Variants in RBFOX1 observed in about 807,000 individuals in gnomAD.
RBFOX1 encodes RNA binding fox-1 homolog 1.
RBFOX1 carries 8 observed loss-of-function variants against 57.7 expected under a neutral mutation model. The ratio of observed to expected loss-of-function variants is 0.14; its 90% CI spans 0.08 to 0.25. RBFOX1 has a LOEUF of 0.25. Ranked by LOEUF, RBFOX1 falls within the 10% of genes least tolerant of loss-of-function variation. The pLI, the probability that RBFOX1 is intolerant of heterozygous loss-of-function variation, is 1.00. For missense variants in RBFOX1, 611 were observed against 548.5 expected, an observed-to-expected ratio of 1.11 and a Z score of -1.14; for synonymous variants, 326 against 222.4, an observed-to-expected ratio of 1.47 and a Z score of -4.15.
intron 3 of RBFOX1, among the ~76,000 whole-genome samples, chr16:6,859,171 A>ATG (rs2058532490): frequency 1.3e-5 from 1 of 78,648 alleles, no homozygotes; most frequent in Admixed American, 1.2e-4. Context: ...ATACGTATAT[A>ATG]TATGTATATA....
At chr16:7,584,673 G>A (rs975711723) in intron 6 of RBFOX1, among the ~76,000 whole-genome samples, 18 of 152,184 alleles carry the variant, frequency 1.2e-4, no homozygotes, top group African/African-American at 4.3e-4. Context: ...TTGATGTTGA[G>A]CAAACAAATG....
At chr16:6,976,883 A>T (rs548251874) in intron 3 of RBFOX1, among the ~76,000 whole-genome samples, 2 of 136,192 alleles carry the variant, frequency 1.5e-5, no homozygotes, top group South Asian at 4.6e-4. Context: ...TCATATCCAT[A>T]TCACATATAT....
In RBFOX1 at chr16:7,450,276, C is replaced by G. The variant is rs374046395; in HGVS notation, c.28-67871C>G. On this transcript the variant is annotated intron_variant, in intron 4 of 15. Transcript: ENST00000550418. ...GGGCATGGTGACATACGCCTGTAAT[C>G]CCAGCTACTTGGGAGGCTGAGGCAG... is the stretch of plus-strand genomic sequence containing the variant. 4.6e-5 allele frequency among the ~76,000 whole-genome samples: 7 copies of G among 151,670 alleles called. No homozygotes were observed. The East Asian group carries it at 9.8e-4, about 21-fold the overall frequency.
At chr16:6,361,200 A>C (rs546563772) in intron 2 of RBFOX1, among the ~76,000 whole-genome samples, 1 of 152,068 alleles carries the variant, frequency 6.6e-6, no homozygotes, top group African/African-American at 2.4e-5. Flanking sequence ...AAGGAATGGG[A>C]CCCAGTGTCG....
At chr16:6,755,915 A>G (rs917903895) in intron 3 of RBFOX1, among the ~76,000 whole-genome samples, 4 of 152,142 alleles carry the variant, frequency 2.6e-5, no homozygotes, top group Non-Finnish European at 5.9e-5. Context: ...CACTTTTTCC[A>G]TGTAGAAACA....
intron 4 of RBFOX1, among the ~76,000 whole-genome samples, chr16:7,321,916 G>T (rs1400485690): frequency 6.6e-6 from 1 of 152,136 alleles, no homozygotes; most frequent in Non-Finnish European, 1.5e-5. Context: ...GCAGCAGTCA[G>T]CCCCTTGGCT....
At chr16:6,736,672 C>G (rs997767479) in intron 3 of RBFOX1, among the ~76,000 whole-genome samples, 1 of 152,162 alleles carries the variant, frequency 6.6e-6, no homozygotes, top group African/African-American at 2.4e-5. Context: ...TGGGTAGATA[C>G]CCAGTAGTGG....
chr16:5,429,395 C>G (rs117549454), intron 1 of RBFOX1, among the ~76,000 whole-genome samples: 1 of 152,164 alleles, frequency 6.6e-6, no homozygotes, highest in Non-Finnish European at 1.5e-5. Flanking sequence ...TTAGGCGGGA[C>G]TCGGGGGAGA....
At chr16:6,667,283 AG>A (rs1375211961) in intron 3 of RBFOX1, among the ~76,000 whole-genome samples, 4 of 152,152 alleles carry the variant, frequency 2.6e-5, no homozygotes, top group African/African-American at 9.7e-5. Flanking sequence ...TGTAATGAAA[AG>A]CACTGAGGTA....
chr16:6,417,024 T>G (rs891544257), intron 2 of RBFOX1, among the ~76,000 whole-genome samples: 4 of 152,176 alleles, frequency 2.6e-5, no homozygotes, highest in African/African-American at 9.7e-5. Flanking sequence ...TTCTTTTTAT[T>G]TTTTTGAGAC....
At position 5,989,416 on chromosome 16, in the gene RBFOX1, G is replaced by T. The variant is rs565647291; in HGVS notation, c.351+122081G>T. The stretch of plus-strand genomic sequence containing the variant: ...TATAAAATGAGAAAATATGCAGGAA[G>T]AACTTAGCATGGAAAGATGCTCAAC... On this transcript the variant is annotated intron_variant, in intron 4 of 19. Coordinates refer to the RBFOX1 transcript ENST00000641259. Among the ~76,000 whole-genome samples the T allele has an allele frequency of 2.6e-5, 4 of 152,184 alleles. No homozygotes were observed. In the East Asian group the frequency reaches 7.7e-4, roughly 29 times the overall value.
chr16:7,552,471 G>T (rs1286378951), intron 5 of RBFOX1, among the ~76,000 whole-genome samples: 1 of 152,144 alleles, frequency 6.6e-6, no homozygotes, highest in East Asian at 1.9e-4. Context: ...TTGCAGAGTT[G>T]AGTCTAATGG....
downstream of RBFOX1, among the ~76,000 whole-genome samples, chr16:5,601,911 C>T (rs1309121073): frequency 1.3e-5 from 2 of 152,184 alleles, no homozygotes; most frequent in African/African-American, 4.8e-5. Context: ...TCAGGTATTT[C>T]CTGGCCCCCA....
At chr16:6,375,788 G>C (rs2091097552) in intron 2 of RBFOX1, among the ~76,000 whole-genome samples, 1 of 152,092 alleles carries the variant, frequency 6.6e-6, no homozygotes, top group Non-Finnish European at 1.5e-5. Context: ...AGCACAAAGG[G>C]TATCCATGAT....
intron 1 of RBFOX1, among the ~76,000 whole-genome samples, chr16:6,103,161 T>C (rs2096335218): frequency 6.6e-6 from 1 of 152,200 alleles, no homozygotes; most frequent in Non-Finnish European, 1.5e-5. Flanking sequence ...GGTAGTGGGA[T>C]AAGCCAGTTC....
chr16:6,406,899 C>T (rs917901067), intron 2 of RBFOX1, among the ~76,000 whole-genome samples: 6 of 152,170 alleles, frequency 3.9e-5, no homozygotes, highest in South Asian at 2.1e-4. Flanking sequence ...GCTGACCCCC[C>T]TACTGACTGT....
intron 7 of RBFOX1, among the ~76,000 whole-genome samples, chr16:7,593,240 G>C (rs2094533051): frequency 6.6e-6 from 1 of 152,136 alleles, no homozygotes; most frequent in Non-Finnish European, 1.5e-5. Flanking sequence ...TAATCCAGTG[G>C]ATACAAAGCA....
intron 3 of RBFOX1, among the ~76,000 whole-genome samples, chr16:6,777,724 A>G (rs772923766): frequency 2.0e-5 from 3 of 152,150 alleles, no homozygotes; most frequent in East Asian, 1.9e-4. Flanking sequence ...CTTGATATTC[A>G]TAACTGGTGG....
intron 1 of RBFOX1, among the ~76,000 whole-genome samples, chr16:6,126,724 T>A (rs2096592454): frequency 1.3e-5 from 2 of 152,144 alleles, no homozygotes; most frequent in Admixed American, 1.3e-4. Context: ...CAGAACTCTC[T>A]AAAACCCAAA....
Sources: allele counts gnomAD v4.1 joint callset (sites outside exome capture counted in the v4.1 genomes callset), GRCh38; gene constraint gnomAD v4.1.1; transcripts MANE v1.5; gene names NCBI Gene and HGNC (gene_info 2026-07-23, HGNC 2026-07-21).